SLC25A21: variants seen among roughly 807,000 people sequenced by gnomAD.
The protein encoded by SLC25A21 is solute carrier family 25 member 21.
Under a neutral mutation model 43.8 loss-of-function variants are expected in SLC25A21, and 47 were observed. The ratio of observed to expected loss-of-function variants is 1.07; its 90% confidence interval spans 0.85 to 1.37. The LOEUF is 1.37. Ranked by LOEUF, SLC25A21 falls within the 40% of genes most tolerant of loss-of-function variation. The pLI, the probability that SLC25A21 is intolerant of heterozygous loss-of-function variation, is 0.00. For synonymous variants in SLC25A21, 131 were observed against 121.3 expected, an observed-to-expected ratio of 1.08 and a Z score of -0.52; for missense variants, 352 against 350.2, an observed-to-expected ratio of 1.00 and a Z score of -0.04.
chr14:36,847,696 G>C (rs1236304120), intron 2 of SLC25A21, among the ~76,000 whole-genome samples: 2 of 152,168 alleles, frequency 1.3e-5, no homozygotes, highest in Non-Finnish European at 2.9e-5. Context: ...GCCATGTTTG[G>C]GGAAAAGGTG....
chr14:36,764,735 C>A (rs781059216), intron 3 of SLC25A21, among the ~76,000 whole-genome samples: 9 of 152,054 alleles, frequency 5.9e-5, no homozygotes, highest in Non-Finnish European at 1.3e-4. Flanking sequence ...GGCCCAATGT[C>A]AAGTACTCCA....
intron 1 of SLC25A21, among the ~76,000 whole-genome samples, chr14:37,168,773 T>A (rs1964073098): frequency 6.6e-6 from 1 of 152,092 alleles, no homozygotes; most frequent in Admixed American, 6.5e-5. Context: ...GAAAGAGGAC[T>A]GAGGAGGACA....
chr14:37,003,580 T>C (rs976763730), intron 1 of SLC25A21, among the ~76,000 whole-genome samples: 1 of 152,220 alleles, frequency 6.6e-6, no homozygotes, highest in Non-Finnish European at 1.5e-5. Context: ...ACAGAAGTTA[T>C]AATGAATGAA....
chr14:36,825,324 T>A (rs1285709791), intron 2 of SLC25A21, among the ~76,000 whole-genome samples: 2 of 152,222 alleles, frequency 1.3e-5, no homozygotes, highest in African/African-American at 4.8e-5. Context: ...CATTATGTCA[T>A]GAACGCATAC....
intron 1 of SLC25A21, among the ~76,000 whole-genome samples, chr14:37,137,531 A>G (rs1194913464): frequency 2.0e-5 from 3 of 152,222 alleles, no homozygotes; most frequent in Non-Finnish European, 2.9e-5. Context: ...TATAAGATGT[A>G]TAAGATTGTA....
intron 3 of SLC25A21, among the ~76,000 whole-genome samples, chr14:36,753,641 G>T (rs1374503873): frequency 6.6e-6 from 1 of 152,138 alleles, no homozygotes; most frequent in Non-Finnish European, 1.5e-5. Flanking sequence ...TTAATGCTTA[G>T]TAGTTGCATA....
intron 2 of SLC25A21, among the ~76,000 whole-genome samples, chr14:36,854,229 A>G (rs1262005411): frequency 3.3e-5 from 5 of 152,264 alleles, no homozygotes; most frequent in Non-Finnish European, 5.9e-5. Context: ...TGCATATGAT[A>G]TATTAATACA....
chr14:36,827,003 G>T (rs1362961035), intron 2 of SLC25A21, among the ~76,000 whole-genome samples: 1 of 152,204 alleles, frequency 6.6e-6, no homozygotes, highest in Non-Finnish European at 1.5e-5. Context: ...GGACGAGGAC[G>T]AGGACAGTGA....
In SLC25A21 at chr14:37,172,336, A is replaced by G. The variant is rs762286646; in HGVS notation, c.15T>C (p.Pro5=). 25 of 1,601,472 alleles carry G rather than the reference A, an allele frequency of 1.6e-5. No homozygotes were observed. In the East Asian group the frequency reaches 4.3e-4, roughly 27 times the overall value. The change falls in exon 1 of 10, where the codon CCT becomes CCC. Residue 5 remains proline (P), a synonymous_variant. Coordinates refer to ENST00000331299, the MANE Select transcript of SLC25A21 (RefSeq NM_030631.4). Reference sequence around the variant, plus strand: ...AAGCCTCGCGCACTAAGCTGACTTCAGGCTTGGCGGACATCTTCGCCAGGC... The same window carrying G: ...AAGCCTCGCGCACTAAGCTGACTTCGGGCTTGGCGGACATCTTCGCCAGGC... MSAK[P]EVSLVREASR... is the part of the protein sequence containing the mutation.
At chr14:37,148,550 A>G (rs912892036) in intron 1 of SLC25A21, among the ~76,000 whole-genome samples, 2 of 152,260 alleles carry the variant, frequency 1.3e-5, no homozygotes, top group African/African-American at 4.8e-5. Context: ...CGTCTAAATC[A>G]GAAGGTATTT....
At chr14:36,981,204 A>G (rs1025122411) in intron 1 of SLC25A21, among the ~76,000 whole-genome samples, 1 of 152,178 alleles carries the variant, frequency 6.6e-6, no homozygotes, top group African/African-American at 2.4e-5. Context: ...GCTGGAGAAG[A>G]TGTGGAGAAA....
chr14:37,028,323 G>C (rs1961137074), intron 1 of SLC25A21, among the ~76,000 whole-genome samples: 1 of 152,118 alleles, frequency 6.6e-6, no homozygotes, highest in African/African-American at 2.4e-5. Context: ...TCTAACACTA[G>C]TCAGTAAAAT....
intron 2 of SLC25A21, among the ~76,000 whole-genome samples, chr14:36,869,845 G>A (rs188927853): frequency 6.6e-5 from 10 of 152,296 alleles, no homozygotes; most frequent in Admixed American, 4.6e-4. Flanking sequence ...CTTGATATTG[G>A]AAGAGAGATG....
At chr14:36,985,508 T>G (rs1594738356) in intron 1 of SLC25A21, among the ~76,000 whole-genome samples, 1 of 152,272 alleles carries the variant, frequency 6.6e-6, no homozygotes, top group East Asian at 1.9e-4. Flanking sequence ...ATCAATCCTT[T>G]CTTTATCTTA....
chr14:36,751,685 C>T (rs1885714163), intron 3 of SLC25A21, among the ~76,000 whole-genome samples: 1 of 152,132 alleles, frequency 6.6e-6, no homozygotes, highest in African/African-American at 2.4e-5. Context: ...GGGCCTGGTA[C>T]TAGTTATCAA....
chr14:36,788,133 C>G (rs1240894351), intron 3 of SLC25A21, among the ~76,000 whole-genome samples: 1 of 152,182 alleles, frequency 6.6e-6, no homozygotes, highest in South Asian at 2.1e-4. Context: ...GACACATTTA[C>G]AGCATTGCTT....
rs149076968 is a variant in SLC25A21 at position 36,695,674 on chromosome 14, T to C, written c.604-10749A>G. Reference sequence around the variant, plus strand: ...AGGTATTTTATTCTCTTTGTAGCAATTGCAAATGGGAGTTCTCTCATGATT... The same window carrying C: ...AGGTATTTTATTCTCTTTGTAGCAACTGCAAATGGGAGTTCTCTCATGATT... On this transcript the variant is annotated intron_variant, in intron 7 of 9. Coordinates refer to ENST00000331299, the MANE Select transcript of SLC25A21 (RefSeq NM_030631.4). Among the ~76,000 whole-genome samples the C allele has an allele frequency of 5.1e-3, 772 of 152,322 alleles. 5 individuals carry two copies. Among genetic ancestry groups the C allele is most frequent in the African/African-American group, 0.017 (710 of 41,566 alleles).
intron 3 of SLC25A21, among the ~76,000 whole-genome samples, chr14:36,784,184 A>G (rs1374892985): frequency 6.6e-6 from 1 of 152,216 alleles, no homozygotes; most frequent in Non-Finnish European, 1.5e-5. Context: ...GTTTCGATCA[A>G]GCTGTGGCTT....
At chr14:36,886,832 G>A (rs1890928686) in intron 1 of SLC25A21, among the ~76,000 whole-genome samples, 1 of 152,040 alleles carries the variant, frequency 6.6e-6, no homozygotes, top group African/African-American at 2.4e-5. Flanking sequence ...AGTTATTCTT[G>A]TCTTCCTCTT....
Sources: gnomAD v4.1 joint callset for allele counts (sites outside exome capture counted in the v4.1 genomes callset) on GRCh38, gnomAD v4.1.1 for gene constraint, MANE v1.5 for transcripts, NCBI Gene and HGNC (gene_info 2026-07-23, HGNC 2026-07-21) for gene names.